The following SYCP1 variants were observed in gnomAD, a reference collection of about 807,000 sequenced individuals.
SYCP1 encodes the protein synaptonemal complex protein 1, also known as cancer/testis antigen 8.
A neutral mutation model predicts 153.1 loss-of-function variants in SYCP1; 64 were observed. The ratio of observed to expected loss-of-function variants is 0.42; its 90% CI spans 0.34 to 0.51. SYCP1 has a LOEUF of 0.51. Ranked by LOEUF, SYCP1 falls within the 20% of genes least tolerant of loss-of-function variation. The pLI, the probability that SYCP1 is intolerant of heterozygous loss-of-function variation, is 0.06. For missense variants in SYCP1, 997 were observed against 1,049.0 expected (o/e 0.95, Z 0.68); for synonymous variants, 384 against 341.8 (o/e 1.12, Z -1.36).
At chr1:114,953,498 G>A (rs547848334) in intron 27 of SYCP1, among the ~76,000 whole-genome samples, 2 of 152,264 alleles carry the variant, frequency 1.3e-5, no homozygotes, top group African/African-American at 2.4e-5. Flanking sequence ...TATATAAAGC[G>A]TGAAGTTCAG....
Position 114,857,328 on chromosome 1 carries a change from T to G in SYCP1, c.237+53T>G, listed in dbSNP as rs192586844. On this transcript the variant is annotated intron_variant, in intron 4 of 31. Transcript: ENST00000369522. Reference sequence around the variant, plus strand: ...TAATCTGTTTAGGTAATGAACTGCTTATTTGAAGACGAAAAAAGTCTTTAG... The same window carrying G: ...TAATCTGTTTAGGTAATGAACTGCTGATTTGAAGACGAAAAAAGTCTTTAG... The G allele has an allele frequency of 7.4e-5, 116 of 1,567,580 alleles. 1 individual carries two copies. The East Asian group carries it at 2.0e-3, about 27-fold the overall frequency.
intron 15 of SYCP1, among the ~76,000 whole-genome samples, chr1:114,892,329 G>A (rs905932205): frequency 9.9e-5 from 15 of 152,128 alleles, no homozygotes; most frequent in Admixed American, 9.8e-4. Context: ...CTTAGAGCAT[G>A]TGCAAGTGTG....
chr1:114,967,050 T>C (rs1210606302), intron 27 of SYCP1, among the ~76,000 whole-genome samples: 1 of 152,160 alleles, frequency 6.6e-6, no homozygotes, highest in East Asian at 1.9e-4. Flanking sequence ...CTGTTTGTAA[T>C]GATTTCCGTT....
rs764442527 is a variant in SYCP1, at chr1:114,855,511, G to A, written c.47G>A (p.Ser16Asn). 4 of 1,613,274 alleles carry A rather than the reference G, an allele frequency of 2.5e-6. No homozygotes were observed. The East Asian group carries it at 6.7e-5, about 27-fold the overall frequency. The part of the protein sequence containing the change: ...PFALFVPPRS[S>N]SSQVSAVKPQ... Reference sequence around the variant, plus strand: ...GCATTGTTCGTACCACCGAGATCAAGCAGCAGTCAGGTGTCTGCGGTGAAA... The same window carrying A: ...GCATTGTTCGTACCACCGAGATCAAACAGCAGTCAGGTGTCTGCGGTGAAA... Residue 16 changes from serine to asparagine, a missense_variant, in exon 2 of 32, where the codon AGC becomes AAC. Coordinates refer to ENST00000369522, the MANE Select transcript of SYCP1 (RefSeq NM_003176.4).
At chr1:114,931,056 A>G (rs535491808) in intron 23 of SYCP1, among the ~76,000 whole-genome samples, 1 of 151,938 alleles carries the variant, frequency 6.6e-6, no homozygotes, top group Non-Finnish European at 1.5e-5. Context: ...GCAGAAAGGC[A>G]TTTGACAGAA....
At chr1:114,893,297 AT>A (rs1455367152) in intron 15 of SYCP1, among the ~76,000 whole-genome samples, 1 of 151,122 alleles carries the variant, frequency 6.6e-6, no homozygotes, top group Non-Finnish European at 1.5e-5. Flanking sequence ...CTGTATCTCC[AT>A]CTGTATCTGT....
intron 20 of SYCP1, among the ~76,000 whole-genome samples, chr1:114,920,236 C>A (rs1460400752): frequency 6.6e-6 from 1 of 151,940 alleles, no homozygotes; most frequent in Non-Finnish European, 1.5e-5. Context: ...TCTTTATTGA[C>A]CCACTAACCA....
chr1:114,937,241 C>T (rs1270457056), intron 23 of SYCP1, among the ~76,000 whole-genome samples: 1 of 152,142 alleles, frequency 6.6e-6, no homozygotes, highest in South Asian at 2.1e-4. Flanking sequence ...AATAATACCA[C>T]ACATCTACAA....
At chr1:114,964,524 CTT>C (rs1671983489) in intron 27 of SYCP1, among the ~76,000 whole-genome samples, 2 of 151,908 alleles carry the variant, frequency 1.3e-5, no homozygotes, top group South Asian at 4.1e-4. Context: ...AAGTTTAAGT[CTT>C]TAATCCATCT....
intron 16 of SYCP1, among the ~76,000 whole-genome samples, chr1:114,906,808 G>C (rs1411895204): frequency 6.6e-6 from 1 of 152,120 alleles, no homozygotes. Flanking sequence ...TATGTATTCT[G>C]CTATTGTTAG....
At chr1:114,889,716 A>G (rs1666569923) in intron 15 of SYCP1, among the ~76,000 whole-genome samples, 1 of 152,008 alleles carries the variant, frequency 6.6e-6, no homozygotes, top group Admixed American at 6.6e-5. Flanking sequence ...ATTAGATCCC[A>G]TTTATCAATT....
intron 23 of SYCP1, among the ~76,000 whole-genome samples, chr1:114,928,677 T>C (rs569773634): frequency 1.3e-5 from 2 of 152,342 alleles, no homozygotes; most frequent in Admixed American, 6.5e-5. Flanking sequence ...ATAATCTGTG[T>C]GACTACCATA....
chr1:114,981,167 CAAAG>C (rs1430761106), intron 28 of SYCP1, among the ~76,000 whole-genome samples, 165 bp from the exon 29 acceptor site: 2 of 151,882 alleles, frequency 1.3e-5, no homozygotes, highest in Admixed American at 1.3e-4. Flanking sequence ...AGTAAAGTGA[CAAAG>C]AAGATAACTG....
intron 23 of SYCP1, among the ~76,000 whole-genome samples, chr1:114,933,241 A>G (rs549121151): frequency 6.6e-6 from 1 of 152,174 alleles, no homozygotes; most frequent in Non-Finnish European, 1.5e-5. Context: ...GTTCAGCAAT[A>G]TTCACTATTC....
At position 114,874,528 on chromosome 1, in the gene SYCP1, C is replaced by T; in HGVS notation, c.621C>T (p.Thr207=). 1 of 1,573,640 alleles carries T rather than the reference C, an allele frequency of 6.4e-7. No homozygotes were observed. Among genetic ancestry groups the T allele is most frequent in the East Asian group, 2.3e-5 (1 of 44,044 alleles). The change falls in exon 9 of 32, where the codon ACC becomes ACT. Residue 207 remains threonine (T), a synonymous_variant. Coordinates refer to ENST00000369522, the MANE Select transcript of SYCP1 (RefSeq NM_003176.4). ...TAGATGAATATGAACGGGAAGAAAC[C>T]AGGCAAGTTTATATGGATCTAAATA... ...TKKYEYEREE[T]RQVYMDLNNN...
chr1:114,981,610 C>A, intron 29 of SYCP1, 98 bp downstream of exon 29: 1 of 1,081,282 alleles, frequency 9.2e-7, no homozygotes, highest in South Asian at 1.6e-5. Flanking sequence ...ACATATATAA[C>A]TAGTTTCTTG....
At chr1:114,923,703 T>C in intron 21 of SYCP1, 173 bp downstream of exon 21, 1 of 519,296 alleles carries the variant, frequency 1.9e-6, no homozygotes, top group Non-Finnish European at 2.9e-6. Context: ...ATTTTACTAT[T>C]GATATCTATA....
chr1:114,911,565 T>A lies in SYCP1; in HGVS notation c.1512T>A (p.Thr504=). ...YYSKEVKDLK[T]ELENEKLKNT... is the part of the protein sequence containing the mutation. The stretch of plus-strand genomic sequence containing the variant: ...CAAAAGAGGTTAAAGATCTAAAAAC[T>A]GAGCTTGAAAACGAGAAGTATGTTT... The change falls in exon 18 of 32, where the codon ACT becomes ACA. Residue 504 remains threonine, a synonymous_variant. Coordinates refer to ENST00000369522, the MANE Select transcript of SYCP1 (RefSeq NM_003176.4). 1 of 1,499,638 alleles carries A rather than the reference T, an allele frequency of 6.7e-7. No individual in the cohort carries two copies. Among genetic ancestry groups the A allele is most frequent in the Non-Finnish European group, 8.9e-7 (1 of 1,124,944 alleles). 92.9% of individuals were successfully genotyped at this position (1,499,638 alleles called of 1,614,324 possible).
chr1:114,932,116 AACGTAGGAGGGT>A (rs1330314261), intron 23 of SYCP1, among the ~76,000 whole-genome samples: 2 of 152,194 alleles, frequency 1.3e-5, no homozygotes, highest in Admixed American at 1.3e-4. Context: ...TTCAGAAGAA[AACGTAGGAGGGT>A]ACTTTCATGG....
Sources: gnomAD v4.1 joint callset for allele counts (sites outside exome capture counted in the v4.1 genomes callset) on GRCh38, gnomAD v4.1.1 for gene constraint, MANE v1.5 for transcripts, NCBI Gene and HGNC (gene_info 2026-07-23, HGNC 2026-07-21) for gene names.